The following CEACAM21 variants were observed in gnomAD, a reference collection of about 807,000 sequenced individuals.
CEACAM21 encodes the protein CEA cell adhesion molecule 21.
CEACAM21 carries 38 observed loss-of-function variants against 33.2 expected under a neutral mutation model. That is an observed-to-expected ratio of 1.14 (90% CI 0.88 to 1.50). The LOEUF (loss-of-function observed/expected upper bound fraction) is 1.50. Among genes scored for constraint, CEACAM21 ranks in the 40% most tolerant of loss-of-function variants. The pLI is 0.00. For missense variants in CEACAM21, 385 were observed against 364.6 expected (o/e 1.06, Z -0.46); for synonymous variants, 156 against 143.0 (o/e 1.09, Z -0.65).
intron 1 of CEACAM21, chr19:41,551,096 TTTGATAAATAAAATATTGTTAAATGCAA>T (rs1555784083): frequency 6.6e-6 from 1 of 152,218 alleles, no homozygotes; most frequent in Non-Finnish European, 1.5e-5. Context: ...ACAAGTGTCT[TTTGATAAATAAAATATTGTTAAATGCAA>T]TGTTGCCTCA....
chr19:41,586,015 G>C, intron 6 of CEACAM21, 144 bp downstream of exon 6: 4 of 857,430 alleles, frequency 4.7e-6, no homozygotes, highest in Non-Finnish European at 5.7e-6. Flanking sequence ...CATGAGCTGG[G>C]CCTCTGTTCA....
At chr19:41,569,745 GTCCACAGTGACA>G (rs2042484776) in intron 2 of CEACAM21, among the ~76,000 whole-genome samples, 1 of 152,122 alleles carries the variant, frequency 6.6e-6, no homozygotes, top group Non-Finnish European at 1.5e-5. Context: ...TGGGACTGAG[GTCCACAGTGACA>G]TCCCAGGGGA....
chr19:41,579,018 G>A (rs2043165419), intron 2 of CEACAM21, among the ~76,000 whole-genome samples: 1 of 152,176 alleles, frequency 6.6e-6, no homozygotes, highest in Non-Finnish European at 1.5e-5. Context: ...TTGTCCCTTA[G>A]GGGCTGAGAC....
At chr19:41,585,717 T>A (rs2070686994) in intron 5 of CEACAM21, 123 bp from the exon 6 acceptor site, 1 of 1,170,684 alleles carries the variant, frequency 8.5e-7, no homozygotes, top group Admixed American at 2.0e-5. Context: ...ACTTGACCCC[T>A]AAAATAACCT....
chr19:41,572,588 T>A (rs2042681377), upstream of CEACAM21, among the ~76,000 whole-genome samples: 1 of 152,132 alleles, frequency 6.6e-6, no homozygotes, highest in African/African-American at 2.4e-5. Flanking sequence ...GAGTGCTTGG[T>A]GAGTCTGCAG....
chr19:41,559,914 T>C (rs2041772660), intron 1 of CEACAM21, among the ~76,000 whole-genome samples: 1 of 152,120 alleles, frequency 6.6e-6, no homozygotes, highest in African/African-American at 2.4e-5. Flanking sequence ...TTAGAGGCTG[T>C]AGTGAGCCAG....
chr19:41,559,542 G>T (rs191267834), intron 1 of CEACAM21, among the ~76,000 whole-genome samples: 1 of 151,980 alleles, frequency 6.6e-6, no homozygotes, highest in Non-Finnish European at 1.5e-5. Flanking sequence ...AACAGGAAAA[G>T]AAATAAATAT....
chr19:41,586,534 CT>C lies in CEACAM21; in HGVS notation c.*72del. The C allele has an allele frequency of 1.6e-6, 1 of 633,454 alleles. No individual in the cohort carries two copies. The highest frequency in any genetic ancestry group is 1.4e-5 in the South Asian group (1 of 73,400). The allele number at this position is 633,454 out of a possible 1,614,324, so 39.2% of individuals were successfully genotyped here. On this transcript the variant is annotated 3_prime_UTR_variant, in exon 7 of 7. Transcript: ENST00000401445. Reference sequence around the variant, plus strand: ...AAAGCAGATGTGGCTTCTTAGGTTCCTCTGGGAGCTGCTCCTGTGGGTTGAT... The same window carrying C: ...AAAGCAGATGTGGCTTCTTAGGTTCCCTGGGAGCTGCTCCTGTGGGTTGAT...
At chr19:41,586,285 G>T in intron 6 of CEACAM21, 179 bp from the exon 7 acceptor site, 1 of 527,686 alleles carries the variant, frequency 1.9e-6, no homozygotes, top group Non-Finnish European at 3.6e-6. Context: ...CTGAAGTTCA[G>T]GAAACTGCAG....
intron 4 of CEACAM21, among the ~76,000 whole-genome samples, chr19:41,584,969 G>A (rs1555794786): frequency 1.3e-5 from 2 of 152,212 alleles, no homozygotes. Context: ...CCAAAGGGCA[G>A]AGACAGAAGA....
intron 3 of CEACAM21, among the ~76,000 whole-genome samples, chr19:41,580,863 G>A (rs1252347045): frequency 2.6e-5 from 4 of 152,256 alleles, no homozygotes; most frequent in African/African-American, 9.6e-5. Flanking sequence ...CCAGGGATTA[G>A]GGGTGAGGCT....
At chr19:41,586,189 C>A in intron 6 of CEACAM21, 1 of 577,376 alleles carries the variant, frequency 1.7e-6, no homozygotes. Context: ...CTGCTCTCAT[C>A]TATGAGGTGA....
chr19:41,584,109 G>C (rs1010509040), intron 3 of CEACAM21, among the ~76,000 whole-genome samples: 9 of 152,192 alleles, frequency 5.9e-5, no homozygotes, highest in Non-Finnish European at 1.3e-4. Context: ...GCAGGATGAG[G>C]TGCAGGCTTC....
chr19:41,573,391 C>A (rs76002974), upstream of CEACAM21, among the ~76,000 whole-genome samples: 135 of 152,276 alleles, frequency 8.9e-4, no homozygotes, highest in East Asian at 0.024. Flanking sequence ...TACAGTCAGG[C>A]CTTCCAGATG....
chr19:41,580,366 G>A (rs2043287067), intron 3 of CEACAM21, among the ~76,000 whole-genome samples: 1 of 152,044 alleles, frequency 6.6e-6, no homozygotes, highest in African/African-American at 2.4e-5. Context: ...CCGTACATCA[G>A]CTAGGTGTCC....
Position 41,579,547 on chromosome 19 carries a change from G to C in CEACAM21, c.619G>C (p.Glu207Gln), listed in dbSNP as rs938418074. ...HVLTIDPIRQEDAGEYQCEVS... is the reference protein window; with the variant it reads ...HVLTIDPIRQQDAGEYQCEVS... ...GCTCACCATAGACCCCATCAGGCAG[G>C]AGGACGCTGGGGAGTATCAGTGTGA... Residue 207 changes from glutamate (E) to glutamine (Q), a missense_variant, in exon 3 of 7, where the codon GAG becomes CAG. Physicochemically the swap from Glu to Gln is conservative, Grantham distance 29. Transcript: ENST00000401445. 6.2e-7 allele frequency: 1 copy of C among 1,610,078 alleles called. No individual in the cohort carries two copies. Among genetic ancestry groups the C allele is most frequent in the Non-Finnish European group, 8.5e-7 (1 of 1,178,024 alleles).
chr19:41,556,351 G>A (rs1555785602), intron 1 of CEACAM21, among the ~76,000 whole-genome samples: 1 of 152,158 alleles, frequency 6.6e-6, no homozygotes, highest in Non-Finnish European at 1.5e-5. Flanking sequence ...AGTTACATGG[G>A]TATATTGTAC....
intron 2 of CEACAM21, among the ~76,000 whole-genome samples, chr19:41,565,879 G>T (rs2042226931): frequency 7.0e-6 from 1 of 141,984 alleles, no homozygotes; most frequent in Admixed American, 7.9e-5. Flanking sequence ...GAAAATGGGT[G>T]ATGAACGAAT....
intron 1 of CEACAM21, among the ~76,000 whole-genome samples, chr19:41,562,179 G>C (rs1555786946): frequency 6.6e-6 from 1 of 152,096 alleles, no homozygotes; most frequent in African/African-American, 2.4e-5. Context: ...CCAGGAGACG[G>C]AGGTTGCAGT....
Sources: gnomAD v4.1 joint callset for allele counts (sites outside exome capture counted in the v4.1 genomes callset) on GRCh38, gnomAD v4.1.1 for gene constraint, MANE v1.5 for transcripts, NCBI Gene and HGNC (gene_info 2026-07-23, HGNC 2026-07-21) for gene names.